The following UGT1A4 variants were observed in gnomAD, a reference collection of about 807,000 sequenced individuals.
The protein encoded by UGT1A4 is UDP glucuronosyltransferase family 1 member A4, also known as UDP-glucuronosyltransferase 1A4.
UGT1A4 carries 32 observed loss-of-function variants against 41.1 expected under a neutral mutation model. The observed-to-expected ratio is 0.78, with a 90% confidence interval of 0.59 to 1.05. The LOEUF (loss-of-function observed/expected upper bound fraction) is 1.05, where lower values mean the gene tolerates loss of function less well. Among genes scored for constraint, UGT1A4 ranks in the 50% least tolerant of loss-of-function variants. The pLI is 0.00. For synonymous variants in UGT1A4, 283 were observed against 265.1 expected, an observed-to-expected ratio of 1.07 and a Z score of -0.66; for missense variants, 748 against 677.4, an observed-to-expected ratio of 1.10 and a Z score of -1.16.
Position 233,719,660 on chromosome 2 carries a change from C to G in UGT1A4, c.840C>G (p.Asn280Lys). ...ACATGGTCTTCATTGGGGGCATCAA[C>G]TGTGCCAACGGGAAGCCACTATCTC... ...MPNMVFIGGI[N>K]CANGKPLSQE... Residue 280 changes from asparagine (N) to lysine (K), a missense_variant, in exon 1 of 5, where the codon AAC becomes AAG. Transcript: ENST00000373409. 1 of 1,614,116 alleles carries G rather than the reference C, an allele frequency of 6.2e-7. No individual in the cohort carries two copies. Among genetic ancestry groups the G allele is most frequent in the Non-Finnish European group, 8.5e-7 (1 of 1,179,972 alleles).
At chr2:233,724,213 C>T (rs2077189704) in intron 1 of UGT1A4, among the ~76,000 whole-genome samples, 2 of 128,964 alleles carry the variant, frequency 1.6e-5, no homozygotes, top group African/African-American at 3.1e-5. Context: ...CTGAGGGGCT[C>T]CTCACTTCCC....
At chr2:233,764,775 G>T (rs1470259138) in intron 1 of UGT1A4, among the ~76,000 whole-genome samples, 1 of 152,162 alleles carries the variant, frequency 6.6e-6, no homozygotes, top group Non-Finnish European at 1.5e-5. Flanking sequence ...AAGGAGTTCA[G>T]AAAAACCATC....
chr2:233,747,202 T>A (rs1693588071), intron 1 of UGT1A4: 1 of 1,604,794 alleles, frequency 6.2e-7, no homozygotes, highest in South Asian at 1.1e-5. Flanking sequence ...GCTGTCCGTG[T>A]CTTCTGCTGA....
At chr2:233,754,243 C>T (rs1695428431) in intron 1 of UGT1A4, 1 of 170,446 alleles carries the variant, frequency 5.9e-6, no homozygotes. Flanking sequence ...CTCACACTTT[C>T]CCAACGGAAA....
At chr2:233,743,929 G>C in intron 1 of UGT1A4, 1 of 1,360,304 alleles carries the variant, frequency 7.4e-7, no homozygotes, top group Non-Finnish European at 9.8e-7. Flanking sequence ...TGGATGGCCA[G>C]AACGGCCCAC....
chr2:233,762,430 C>A (rs796065862), intron 1 of UGT1A4, among the ~76,000 whole-genome samples: 1 of 152,178 alleles, frequency 6.6e-6, no homozygotes, highest in African/African-American at 2.4e-5. Context: ...AATAGAGTAA[C>A]AGTGTATTCC....
At chr2:233,738,879 G>A (rs1446343091) in intron 1 of UGT1A4, 1 of 152,238 alleles carries the variant, frequency 6.6e-6, no homozygotes, top group Admixed American at 6.5e-5. Context: ...TCCAGGGCAT[G>A]TCAGAGACCT....
At chr2:233,753,341 CCTG>C (rs138147580) in intron 1 of UGT1A4, 5,646 of 152,328 alleles carry the variant, frequency 0.037, 136 homozygotes, top group Non-Finnish European at 0.057. Context: ...CTGCCATTTT[CCTG>C]CTGTTTATTA....
In UGT1A4 at chr2:233,719,515, C is replaced by G. The variant is rs764297894; in HGVS notation, c.695C>G (p.Ala232Gly). The change falls in exon 1 of 5, where the codon GCA becomes GGA. Residue 232 changes from alanine (A) to glycine (G), a missense_variant. Coordinates refer to ENST00000373409, the MANE Select transcript of UGT1A4 (RefSeq NM_007120.3). ...YICHTFSAPY[A>G]SLASELFQRE... ...TGCCATACTTTTTCTGCCCCTTATG[C>G]AAGTCTTGCCTCTGAGCTTTTTCAG... 1 of 1,613,842 alleles carries G rather than the reference C, an allele frequency of 6.2e-7. No homozygotes were observed. Among genetic ancestry groups the G allele is most frequent in the Non-Finnish European group, 8.5e-7 (1 of 1,179,878 alleles).
intron 1 of UGT1A4, among the ~76,000 whole-genome samples, chr2:233,751,389 A>G (rs557117107): frequency 6.6e-6 from 1 of 152,256 alleles, no homozygotes; most frequent in Admixed American, 6.5e-5. Context: ...CTTGTCTCAG[A>G]TAAGACTTTG....
chr2:233,726,224 T>G (rs1237222644), intron 1 of UGT1A4, among the ~76,000 whole-genome samples: 2 of 152,154 alleles, frequency 1.3e-5, no homozygotes, highest in Non-Finnish European at 2.9e-5. Context: ...TAGAAAACAT[T>G]TTTTAAAACT....
chr2:233,747,212 A>G, intron 1 of UGT1A4: 1 of 1,605,294 alleles, frequency 6.2e-7, no homozygotes, highest in South Asian at 1.1e-5. Context: ...TCTTCTGCTG[A>G]GATGGCCACA....
intron 1 of UGT1A4, chr2:233,743,629 T>A (rs570829500): frequency 7.3e-7 from 1 of 1,367,190 alleles, no homozygotes; most frequent in Non-Finnish European, 9.8e-7. Context: ...AGACGTCGGC[T>A]GGGTCGCGGA....
At chr2:233,723,516 C>T (rs1242100621) in intron 1 of UGT1A4, among the ~76,000 whole-genome samples, 34 of 85,382 alleles carry the variant, frequency 4.0e-4, no homozygotes, top group African/African-American at 1.3e-3. Flanking sequence ...GGTCAACAAT[C>T]TTTTTTTTTT....
At position 233,729,426 on chromosome 2, in the gene UGT1A4, C is replaced by T. The variant is rs141561137; in HGVS notation, c.867+9739C>T. On this transcript the variant is annotated intron_variant, in intron 1 of 4. Coordinates refer to ENST00000373409, the MANE Select transcript of UGT1A4 (RefSeq NM_007120.3). The stretch of plus-strand genomic sequence containing the variant: ...ATGTGCTGGGCCACACTCAACTGTA[C>T]TTTGAAACAGAACATTTTCTGAAGA... The T allele has an allele frequency of 1.1e-4, 183 of 1,613,828 alleles. 1 individual carries two copies. The African/African-American group carries it at 2.1e-3, about 19-fold the overall frequency.
intron 1 of UGT1A4, among the ~76,000 whole-genome samples, chr2:233,734,157 A>G (rs2078492221): frequency 6.6e-6 from 1 of 152,100 alleles, no homozygotes; most frequent in Non-Finnish European, 1.5e-5. Context: ...CTGGTCCTGG[A>G]CTTTTTTTGG....
In UGT1A4 at chr2:233,719,233, T is replaced by C; in HGVS notation, c.413T>C (p.Ile138Thr). ...GAGCTACTGCATAATGAGGCCCTGA[T>C]CAGGCACCTGAATGCTACTTCCTTT... is the stretch of plus-strand genomic sequence containing the variant. ...CVELLHNEAL[I>T]RHLNATSFDV... is the part of the protein sequence containing the mutation. The change falls in exon 1 of 5, where the codon ATC (isoleucine) becomes ACC (threonine). Residue 138 changes from isoleucine (I) to threonine (T), a missense_variant. Physicochemically the swap from Ile to Thr is moderately conservative, Grantham distance 89 (BLOSUM62 -1). Transcript: ENST00000373409. 2 of 1,614,226 alleles carry C rather than the reference T, an allele frequency of 1.2e-6. No individual in the cohort carries two copies. The highest frequency in any genetic ancestry group is 1.7e-6 in the Non-Finnish European group (2 of 1,180,034).
intron 1 of UGT1A4, among the ~76,000 whole-genome samples, chr2:233,748,968 G>A (rs1280348078): frequency 6.6e-6 from 1 of 151,594 alleles, no homozygotes; most frequent in Admixed American, 6.6e-5. Flanking sequence ...TTTCTATAGT[G>A]GGATCTACTT....
At chr2:233,757,238 G>A (rs191269433) in intron 1 of UGT1A4, among the ~76,000 whole-genome samples, 1 of 149,106 alleles carries the variant, frequency 6.7e-6, no homozygotes, top group Non-Finnish European at 1.5e-5. Context: ...AGAAGTGGTG[G>A]TGAGGTGGGG....
Sources: gnomAD v4.1 joint callset for allele counts (sites outside exome capture counted in the v4.1 genomes callset) on GRCh38, gnomAD v4.1.1 for gene constraint, MANE v1.5 for transcripts, NCBI Gene and HGNC (gene_info 2026-07-23, HGNC 2026-07-21) for gene names.